LRMDA: variants seen among roughly 807,000 people sequenced by gnomAD.
LRMDA encodes leucine rich melanocyte differentiation associated.
Under a neutral mutation model 29.8 loss-of-function variants are expected in LRMDA, and 18 were observed. The ratio of observed to expected loss-of-function variants is 0.60; its 90% CI spans 0.42 to 0.90. The LOEUF (loss-of-function observed/expected upper bound fraction) is 0.90, where lower values mean the gene tolerates loss of function less well. Among genes scored for constraint, LRMDA ranks in the 40% least tolerant of loss-of-function variants. The pLI is 0.00. For missense variants in LRMDA, 273 were observed against 273.9 expected, an observed-to-expected ratio of 1.00 and a Z score of 0.02; for synonymous variants, 125 against 109.4, an observed-to-expected ratio of 1.14 and a Z score of -0.89.
chr10:76,259,931 T>C (rs1839911856), intron 5 of LRMDA, among the ~76,000 whole-genome samples: 1 of 152,144 alleles, frequency 6.6e-6, no homozygotes, highest in Non-Finnish European at 1.5e-5. Flanking sequence ...GTGTGGGATA[T>C]CTTTTTCCAT....
intron 2 of LRMDA, among the ~76,000 whole-genome samples, chr10:75,789,453 G>A (rs1020133573): frequency 5.3e-5 from 8 of 152,188 alleles, no homozygotes; most frequent in African/African-American, 7.2e-5. Context: ...AGATAGGAAA[G>A]CAATGGATGT....
Position 76,185,951 on chromosome 10 carries a change from A to G in LRMDA, c.516+127168A>G, listed in dbSNP as rs574694442. 9.2e-5 allele frequency among the ~76,000 whole-genome samples: 14 copies of G among 152,290 alleles called. No individual in the cohort carries two copies. In the East Asian group the frequency reaches 2.3e-3, roughly 25 times the overall value. On this transcript the variant is annotated intron_variant, in intron 5 of 6. Coordinates refer to ENST00000611255, the MANE Select transcript of LRMDA (RefSeq NM_001305581.2). ...CTTACTGTCAACCTAGCAAAACCTC[A>G]TGTTTAATCTCAAGTTTAGTGTAGT...
chr10:76,163,428 T>C (rs1397278684), intron 5 of LRMDA, among the ~76,000 whole-genome samples: 1 of 152,164 alleles, frequency 6.6e-6, no homozygotes, highest in Non-Finnish European at 1.5e-5. Context: ...AATGTATGTG[T>C]GGTAAATCAA....
At chr10:76,182,147 TCA>T (rs1851060531) in intron 5 of LRMDA, among the ~76,000 whole-genome samples, 1 of 152,100 alleles carries the variant, frequency 6.6e-6, no homozygotes, top group African/African-American at 2.4e-5. Flanking sequence ...TTTAATTGAC[TCA>T]CAGTTCCATG....
intron 2 of LRMDA, among the ~76,000 whole-genome samples, chr10:75,706,417 A>ATC (rs1842369937): frequency 6.6e-6 from 1 of 152,218 alleles, no homozygotes; most frequent in South Asian, 2.1e-4. Flanking sequence ...AAAGTCTTAG[A>ATC]TAAGTTTCTC....
chr10:76,300,447 T>C (rs1840466066), intron 5 of LRMDA, among the ~76,000 whole-genome samples: 1 of 152,226 alleles, frequency 6.6e-6, no homozygotes. Context: ...TGTTCTATCC[T>C]GGGCAAGCCA....
chr10:76,078,014 T>C (rs1460288949), intron 5 of LRMDA, among the ~76,000 whole-genome samples: 1 of 122,638 alleles, frequency 8.2e-6, no homozygotes, highest in Non-Finnish European at 1.7e-5. Flanking sequence ...TTTTTTTTTT[T>C]TTTTTTTTTT....
intron 2 of LRMDA, among the ~76,000 whole-genome samples, chr10:75,622,482 CAA>C (rs1297093662): frequency 2.6e-5 from 4 of 152,126 alleles, no homozygotes; most frequent in Non-Finnish European, 5.9e-5. Context: ...TTACTTTCTG[CAA>C]AGTCATATGT....
At chr10:75,855,539 C>G (rs1844810835) in intron 2 of LRMDA, among the ~76,000 whole-genome samples, 1 of 152,150 alleles carries the variant, frequency 6.6e-6, no homozygotes, top group South Asian at 2.1e-4. Flanking sequence ...ATGGTAGTTC[C>G]TTTTGCTGCG....
intron 2 of LRMDA, among the ~76,000 whole-genome samples, chr10:75,996,413 T>C (rs1847463081): frequency 6.6e-6 from 1 of 152,192 alleles, no homozygotes; most frequent in Non-Finnish European, 1.5e-5. Flanking sequence ...TTATGACCCC[T>C]CTTCTTCAGA....
chr10:75,529,182 A>T (rs1845447673), intron 2 of LRMDA, among the ~76,000 whole-genome samples: 4 of 152,190 alleles, frequency 2.6e-5, no homozygotes, highest in Admixed American at 2.6e-4. Context: ...GACTCACACC[A>T]CCTCACATGG....
intron 6 of LRMDA, among the ~76,000 whole-genome samples, chr10:76,385,443 A>G (rs994236618): frequency 6.6e-6 from 1 of 152,196 alleles, no homozygotes; most frequent in African/African-American, 2.4e-5. Context: ...TGATACTTTC[A>G]GAGAGGGGCC....
At chr10:76,512,257 C>CT (rs891502073) in intron 6 of LRMDA, among the ~76,000 whole-genome samples, 2 of 152,200 alleles carry the variant, frequency 1.3e-5, no homozygotes, top group Admixed American at 6.5e-5. Context: ...ACCTCTTTTT[C>CT]TTCCCAGTAT....
chr10:75,574,527 G>A (rs1465881145), intron 2 of LRMDA, among the ~76,000 whole-genome samples: 2 of 152,186 alleles, frequency 1.3e-5, no homozygotes, highest in Non-Finnish European at 2.9e-5. Flanking sequence ...AGTCACTCAT[G>A]TTTTAAAACT....
At chr10:75,533,186 G>C (rs564636489) in intron 2 of LRMDA, among the ~76,000 whole-genome samples, 1 of 152,176 alleles carries the variant, frequency 6.6e-6, no homozygotes, top group Non-Finnish European at 1.5e-5. Flanking sequence ...TCAACTGAGA[G>C]GATAACAAAG....
chr10:76,140,879 CCATT>C (rs1850185769), intron 5 of LRMDA, among the ~76,000 whole-genome samples: 1 of 152,030 alleles, frequency 6.6e-6, no homozygotes, highest in African/African-American at 2.4e-5. Context: ...TTCTTTGGTC[CCATT>C]CAGTTTCCAA....
chr10:75,980,110 A>T (rs1847140218), intron 2 of LRMDA, among the ~76,000 whole-genome samples: 1 of 152,174 alleles, frequency 6.6e-6, no homozygotes, highest in South Asian at 2.1e-4. Context: ...CTCACTCTCA[A>T]CATGGACTTG....
intron 5 of LRMDA, among the ~76,000 whole-genome samples, chr10:76,131,726 GA>G: frequency 6.6e-6 from 1 of 151,874 alleles, no homozygotes; most frequent in Non-Finnish European, 1.5e-5. Flanking sequence ...TTTCTAGTGA[GA>G]CTGAACATTT....
At chr10:75,889,984 G>A (rs1041700929) in intron 2 of LRMDA, among the ~76,000 whole-genome samples, 3 of 152,204 alleles carry the variant, frequency 2.0e-5, no homozygotes, top group Admixed American at 1.3e-4. Flanking sequence ...TCTGGCTATT[G>A]GTGCTGTAAA....
Sources: gnomAD v4.1 joint callset for allele counts (sites outside exome capture counted in the v4.1 genomes callset) on GRCh38, gnomAD v4.1.1 for gene constraint, MANE v1.5 for transcripts, NCBI Gene and HGNC (gene_info 2026-07-23, HGNC 2026-07-21) for gene names.